The following WWOX variants were observed in gnomAD, a reference collection of about 807,000 sequenced individuals.
WWOX encodes the protein WW domain-containing oxidoreductase.
In WWOX, 69 loss-of-function variants were observed where a neutral mutation model predicts 46.2. The observed-to-expected ratio is 1.49, with a 90% confidence interval of 1.23 to 1.82. The LOEUF (loss-of-function observed/expected upper bound fraction) is 1.82, where lower values mean the gene tolerates loss of function less well. Among genes scored for constraint, WWOX ranks in the 40% most tolerant of loss-of-function variants. WWOX has a pLI of 0.00. For synonymous variants in WWOX, 359 were observed against 202.6 expected, an observed-to-expected ratio of 1.77 and a Z score of -6.56; for missense variants, 919 against 542.6, an observed-to-expected ratio of 1.69 and a Z score of -6.89.
intron 8 of WWOX, among the ~76,000 whole-genome samples, chr16:79,020,333 T>C (rs1235489665): frequency 1.3e-5 from 2 of 152,196 alleles, no homozygotes; most frequent in East Asian, 3.9e-4. Flanking sequence ...TGATCAAAAC[T>C]ATGGAGTCTT....
intron 8 of WWOX, among the ~76,000 whole-genome samples, chr16:78,608,870 C>A (rs949739885): frequency 1.3e-5 from 2 of 152,220 alleles, no homozygotes; most frequent in Admixed American, 1.3e-4. Context: ...GTCTTAAATT[C>A]CAAATCTGGG....
chr16:78,561,673 A>G (rs1313553649), intron 8 of WWOX, among the ~76,000 whole-genome samples: 1 of 152,176 alleles, frequency 6.6e-6, no homozygotes, highest in Non-Finnish European at 1.5e-5. Context: ...GAAAGGGGGT[A>G]ATTGAAGAAG....
chr16:78,478,706 G>A (rs1020552023), intron 8 of WWOX, among the ~76,000 whole-genome samples: 3 of 152,172 alleles, frequency 2.0e-5, no homozygotes, highest in South Asian at 4.1e-4. Context: ...AGGCTCCAAA[G>A]GTGCTTAATT....
chr16:78,876,646 A>G (rs2151209357), intron 8 of WWOX, among the ~76,000 whole-genome samples: 1 of 152,270 alleles, frequency 6.6e-6, no homozygotes, highest in East Asian at 1.9e-4. Flanking sequence ...GATCTCTAAA[A>G]GGCAGAAGTT....
intron 8 of WWOX, among the ~76,000 whole-genome samples, chr16:78,977,592 T>G (rs2046598134): frequency 6.6e-6 from 1 of 152,074 alleles, no homozygotes; most frequent in African/African-American, 2.4e-5. Flanking sequence ...AAAATTTTTG[T>G]TGTTACAAAA....
chr16:78,811,256 C>A (rs969356547), intron 8 of WWOX, among the ~76,000 whole-genome samples: 1 of 152,172 alleles, frequency 6.6e-6, no homozygotes, highest in Non-Finnish European at 1.5e-5. Context: ...TATTATTCTG[C>A]AATTGCTGAG....
chr16:78,385,691 C>T (rs2082046547), intron 5 of WWOX, among the ~76,000 whole-genome samples: 1 of 152,196 alleles, frequency 6.6e-6, no homozygotes, highest in African/African-American at 2.4e-5. Flanking sequence ...TCAGCAGTGC[C>T]ATTTGCATCC....
chr16:78,111,084 G>A (rs73562785), intron 3 of WWOX, among the ~76,000 whole-genome samples: 3,199 of 151,952 alleles, frequency 0.021, 129 homozygotes, highest in African/African-American at 0.073. Flanking sequence ...TTTAGGGGTC[G>A]GGCCAGCCCT....
chr16:78,862,910 GC>G (rs2043921927), intron 8 of WWOX, among the ~76,000 whole-genome samples: 1 of 151,534 alleles, frequency 6.6e-6, no homozygotes, highest in Non-Finnish European at 1.5e-5. Flanking sequence ...GTATCCTGTG[GC>G]CCAGTCAAGT....
chr16:78,988,364 AAAAAAG>A (rs1365392921), intron 8 of WWOX, among the ~76,000 whole-genome samples: 4 of 151,976 alleles, frequency 2.6e-5, no homozygotes, highest in African/African-American at 4.8e-5. Flanking sequence ...AAAAAAAAAA[AAAAAAG>A]AAAGAAAATT....
chr16:78,749,615 A>G (rs1490881517), intron 8 of WWOX, among the ~76,000 whole-genome samples: 3 of 152,226 alleles, frequency 2.0e-5, no homozygotes, highest in Non-Finnish European at 4.4e-5. Context: ...TTGGAGGATA[A>G]GGAAGCATGA....
chr16:78,451,839 AGAAATACCC>A (rs1351944429), intron 8 of WWOX, among the ~76,000 whole-genome samples: 19 of 152,212 alleles, frequency 1.2e-4, no homozygotes, highest in Non-Finnish European at 8.8e-5. Flanking sequence ...ACAGCAGGTG[AGAAATACCC>A]TTCAACTCTT....
At chr16:78,942,126 C>T (rs1464970673) in intron 8 of WWOX, among the ~76,000 whole-genome samples, 1 of 152,120 alleles carries the variant, frequency 6.6e-6, no homozygotes, top group Non-Finnish European at 1.5e-5. Flanking sequence ...CGGAAGCGCC[C>T]TCCTTTTCTA....
chr16:79,026,248 C>G (rs1341451437), intron 8 of WWOX, among the ~76,000 whole-genome samples: 5 of 151,776 alleles, frequency 3.3e-5, no homozygotes, highest in Non-Finnish European at 5.9e-5. Flanking sequence ...CTTCTCTGTG[C>G]TTTAGTCACC....
At chr16:78,877,854 C>G (rs1008677060) in intron 8 of WWOX, among the ~76,000 whole-genome samples, 1 of 152,190 alleles carries the variant, frequency 6.6e-6, no homozygotes. Context: ...GTTTTATATA[C>G]ATTTTATAGC....
chr16:78,797,152 G>C (rs1292387571), intron 8 of WWOX, among the ~76,000 whole-genome samples: 3 of 151,858 alleles, frequency 2.0e-5, no homozygotes, highest in African/African-American at 7.3e-5. Flanking sequence ...ATAGAAGTGG[G>C]GAAATCGTAC....
At chr16:78,431,809 C>A (rs1413590496) in intron 7 of WWOX, among the ~76,000 whole-genome samples, 1 of 152,008 alleles carries the variant, frequency 6.6e-6, no homozygotes, top group Non-Finnish European at 1.5e-5. Flanking sequence ...GTTGACCTCC[C>A]AGGCTGAAGC....
intron 8 of WWOX, among the ~76,000 whole-genome samples, chr16:78,837,630 A>C (rs543016704): frequency 1.3e-5 from 2 of 152,262 alleles, no homozygotes; most frequent in South Asian, 4.2e-4. Context: ...CTTACCTAGA[A>C]ACTGTTTATT....
chr16:78,252,242 T>A (rs1329097111), intron 5 of WWOX, among the ~76,000 whole-genome samples: 2 of 152,154 alleles, frequency 1.3e-5, no homozygotes, highest in East Asian at 3.9e-4. Flanking sequence ...AGAAGCTAGC[T>A]CTGAGCACCT....
Sources: gnomAD v4.1 joint callset for allele counts (sites outside exome capture counted in the v4.1 genomes callset) on GRCh38, gnomAD v4.1.1 for gene constraint, MANE v1.5 for transcripts, NCBI Gene and HGNC (gene_info 2026-07-23, HGNC 2026-07-21) for gene names.